The following DCDC1 variants were observed in gnomAD, a reference collection of about 807,000 sequenced individuals.
The protein encoded by DCDC1 is doublecortin domain-containing protein 1.
Under a neutral mutation model 178.3 loss-of-function variants are expected in DCDC1, and 200 were observed. That is an observed-to-expected ratio of 1.12 (90% confidence interval 1.00 to 1.26). The LOEUF is 1.26. Ranked by LOEUF, DCDC1 falls within the 50% of genes most tolerant of loss-of-function variation. DCDC1 has a pLI of 0.00. For missense variants in DCDC1, 1,983 were observed against 1,749.2 expected, an observed-to-expected ratio of 1.13 and a Z score of -2.38; for synonymous variants, 690 against 604.8, an observed-to-expected ratio of 1.14 and a Z score of -2.07.
At chr11:31,227,555 G>T (rs962273705) in intron 9 of DCDC1, among the ~76,000 whole-genome samples, 1 of 151,880 alleles carries the variant, frequency 6.6e-6, no homozygotes, top group South Asian at 2.1e-4. Context: ...TGACCACAAA[G>T]AAACTTATTT....
At chr11:30,925,131 G>A (rs1946512454) in intron 23 of DCDC1, among the ~76,000 whole-genome samples, 178 bp downstream of exon 23, 1 of 151,990 alleles carries the variant, frequency 6.6e-6, no homozygotes. Flanking sequence ...AGACATATAG[G>A]AAGCTCTGAA....
chr11:31,089,421 A>G (rs1477269169), intron 17 of DCDC1, among the ~76,000 whole-genome samples: 1 of 151,996 alleles, frequency 6.6e-6, no homozygotes, highest in Non-Finnish European at 1.5e-5. Context: ...TTGTCTCTTC[A>G]TGCTTCTTGT....
chr11:31,082,228 G>A (rs1184583410), intron 17 of DCDC1, among the ~76,000 whole-genome samples: 4 of 152,120 alleles, frequency 2.6e-5, no homozygotes, highest in Non-Finnish European at 2.9e-5. Flanking sequence ...TTCTAGTCCT[G>A]CATCTAACGT....
chr11:31,260,544 A>C (rs756357805), intron 8 of DCDC1, among the ~76,000 whole-genome samples: 8 of 152,222 alleles, frequency 5.3e-5, no homozygotes, highest in Non-Finnish European at 1.2e-4. Context: ...GTCCAGAATG[A>C]CCTTGGAGTC....
At chr11:31,009,558 A>C (rs1000419412) in intron 20 of DCDC1, among the ~76,000 whole-genome samples, 1 of 151,952 alleles carries the variant, frequency 6.6e-6, no homozygotes, top group Non-Finnish European at 1.5e-5. Flanking sequence ...GTTACAGACC[A>C]AATTTGAGAC....
intron 18 of DCDC1, among the ~76,000 whole-genome samples, chr11:31,067,952 T>C (rs1956343103): frequency 6.6e-6 from 1 of 152,102 alleles, no homozygotes; most frequent in African/African-American, 2.4e-5. Context: ...TGGTGACGGA[T>C]GCAAAAATCG....
At chr11:31,239,906 A>G (rs1976912065) in intron 9 of DCDC1, among the ~76,000 whole-genome samples, 1 of 151,828 alleles carries the variant, frequency 6.6e-6, no homozygotes, top group South Asian at 2.1e-4. Flanking sequence ...AGCAATTTAT[A>G]CTTCTTTAAA....
intron 9 of DCDC1, among the ~76,000 whole-genome samples, chr11:31,207,335 A>G (rs887909659): frequency 6.6e-6 from 1 of 152,248 alleles, no homozygotes; most frequent in Non-Finnish European, 1.5e-5. Flanking sequence ...CTGATTATAA[A>G]ACATACAAGA....
chr11:31,004,218 T>C (rs1424514042), intron 20 of DCDC1, among the ~76,000 whole-genome samples: 1 of 152,146 alleles, frequency 6.6e-6, no homozygotes, highest in Non-Finnish European at 1.5e-5. Context: ...GGAACCAAAA[T>C]TTGCCAAAAG....
intron 21 of DCDC1, among the ~76,000 whole-genome samples, chr11:30,947,307 T>G (rs1299332544): frequency 6.6e-6 from 1 of 152,196 alleles, no homozygotes; most frequent in Non-Finnish European, 1.5e-5. Context: ...ATTACCTGAC[T>G]TGAAATTGTA....
chr11:31,170,354 T>C (rs1273002553), intron 9 of DCDC1, among the ~76,000 whole-genome samples: 1 of 152,186 alleles, frequency 6.6e-6, no homozygotes, highest in Non-Finnish European at 1.5e-5. Flanking sequence ...CTCAAAGCTA[T>C]AAATCCCAAA....
chr11:30,973,561 C>T (rs1049126668), intron 20 of DCDC1, among the ~76,000 whole-genome samples: 2 of 152,124 alleles, frequency 1.3e-5, no homozygotes, highest in African/African-American at 4.8e-5. Flanking sequence ...AGTCGAAAAA[C>T]AGATTCCCTG....
intron 27 of DCDC1, among the ~76,000 whole-genome samples, chr11:30,914,769 G>A (rs1359878299): frequency 1.3e-5 from 2 of 151,754 alleles, no homozygotes; most frequent in East Asian, 1.9e-4. Flanking sequence ...ATGATAGAAT[G>A]TCTTACAACA....
intron 20 of DCDC1, among the ~76,000 whole-genome samples, chr11:31,058,217 T>C (rs1010940253): frequency 5.3e-5 from 8 of 152,180 alleles, no homozygotes; most frequent in African/African-American, 1.9e-4. Flanking sequence ...GCAGACAGGA[T>C]GGTCTTGAAA....
intron 1 of DCDC1, among the ~76,000 whole-genome samples, chr11:31,338,003 G>T (rs1236797699): frequency 6.6e-6 from 1 of 152,130 alleles, no homozygotes; most frequent in African/African-American, 2.4e-5. Flanking sequence ...GCAGGAAGCA[G>T]GCTGCAGATC....
chr11:30,985,399 T>C (rs1950589792), intron 20 of DCDC1, among the ~76,000 whole-genome samples: 1 of 152,220 alleles, frequency 6.6e-6, no homozygotes, highest in Admixed American at 6.5e-5. Context: ...ATAATCATGT[T>C]AAAACACTGC....
chr11:31,325,333 T>C (rs575100121), intron 3 of DCDC1, among the ~76,000 whole-genome samples: 40 of 152,262 alleles, frequency 2.6e-4, no homozygotes, highest in African/African-American at 9.1e-4. Context: ...AGACTACAGC[T>C]GAGCAAGAAA....
chr11:31,158,912 CA>C (rs912353517), intron 9 of DCDC1, among the ~76,000 whole-genome samples: 9 of 151,830 alleles, frequency 5.9e-5, no homozygotes, highest in East Asian at 1.9e-4. Context: ...ATATTCCCCC[CA>C]AATATCATTC....
chr11:31,334,952 G>A (rs913318141), intron 2 of DCDC1, among the ~76,000 whole-genome samples: 8 of 152,160 alleles, frequency 5.3e-5, no homozygotes, highest in African/African-American at 1.2e-4. Flanking sequence ...AGACGGGGAC[G>A]TTTAAGTCTG....
Sources: allele counts gnomAD v4.1 joint callset (sites outside exome capture counted in the v4.1 genomes callset), GRCh38; gene constraint gnomAD v4.1.1; transcripts MANE v1.5; gene names NCBI Gene and HGNC (gene_info 2026-07-23, HGNC 2026-07-21).